Variants in SLCO3A1 observed in about 807,000 individuals in gnomAD.
The protein encoded by SLCO3A1 is PGE1 transporter.
A neutral mutation model predicts 63.1 loss-of-function variants in SLCO3A1; 27 were observed. The observed-to-expected ratio is 0.43, with a 90% CI of 0.32 to 0.59. SLCO3A1 has a LOEUF of 0.59. SLCO3A1 is among the 20% of genes least tolerant of loss of function. SLCO3A1 has a pLI of 0.09. For synonymous variants in SLCO3A1, 473 were observed against 409.9 expected, an observed-to-expected ratio of 1.15 and a Z score of -1.86; for missense variants, 773 against 945.8, an observed-to-expected ratio of 0.82 and a Z score of 2.40.
chr15:91,853,815 C>T lies in SLCO3A1; in HGVS notation c.-94C>T. Reference sequence around the variant, plus strand: ...ACCCGGGGCGGGGACAGCACGCAGCCTCGAGGCGCGCACCCCCGCCCGGCA... The same window carrying T: ...ACCCGGGGCGGGGACAGCACGCAGCTTCGAGGCGCGCACCCCCGCCCGGCA... On this transcript the variant is annotated 5_prime_UTR_variant, in exon 1 of 10. Transcript: ENST00000318445. The T allele has an allele frequency of 8.9e-7, 1 of 1,127,828 alleles. No homozygotes were observed. The highest frequency in any genetic ancestry group is 1.1e-6 in the Non-Finnish European group (1 of 923,220). The allele number at this position is 1,127,828 out of a possible 1,614,324, so 69.9% of individuals were successfully genotyped here. A position where few individuals can be genotyped will look rare whatever the true frequency, so the allele number is the denominator to read the frequency against.
intron 9 of SLCO3A1, among the ~76,000 whole-genome samples, chr15:92,155,796 T>G (rs1205771799): frequency 1.3e-5 from 2 of 152,028 alleles, no homozygotes; most frequent in African/African-American, 4.8e-5. Flanking sequence ...GAGGCTGAGG[T>G]TTGGAGCCCC....
chr15:92,108,026 C>T (rs1012406037), intron 4 of SLCO3A1, among the ~76,000 whole-genome samples: 4 of 152,180 alleles, frequency 2.6e-5, no homozygotes, highest in Non-Finnish European at 4.4e-5. Context: ...GTTCGATTTT[C>T]AGAACATTCC....
chr15:91,919,119 C>T (rs1898757813), intron 2 of SLCO3A1, among the ~76,000 whole-genome samples: 1 of 152,246 alleles, frequency 6.6e-6, no homozygotes, highest in South Asian at 2.1e-4. Flanking sequence ...CCCCGGGTCA[C>T]CCGCATTGTG....
intron 2 of SLCO3A1, among the ~76,000 whole-genome samples, chr15:92,087,316 A>G (rs1333997246): frequency 1.3e-5 from 2 of 152,082 alleles, no homozygotes; most frequent in South Asian, 2.1e-4. Context: ...CTTCATTGCT[A>G]TATTTGTTAT....
chr15:91,902,816 C>G (rs997911046), intron 1 of SLCO3A1, among the ~76,000 whole-genome samples: 1 of 152,128 alleles, frequency 6.6e-6, no homozygotes, highest in African/African-American at 2.4e-5. Flanking sequence ...ATTGCCTGGG[C>G]TTGAATCCTG....
intron 2 of SLCO3A1, among the ~76,000 whole-genome samples, chr15:91,936,142 A>T (rs774543458): frequency 2.0e-5 from 3 of 152,172 alleles, no homozygotes; most frequent in Non-Finnish European, 4.4e-5. Context: ...CTCTTATTAG[A>T]GATGCTGTAA....
chr15:92,165,138 C>G lies in SLCO3A1; in HGVS notation c.*2003C>G, dbSNP rs1015446988. 1.0e-6 allele frequency: 1 copy of G among 985,308 alleles called. No homozygotes were observed. Among genetic ancestry groups the G allele is most frequent in the Non-Finnish European group, 1.2e-6 (1 of 829,938 alleles). 61.0% of individuals were successfully genotyped at this position (985,308 alleles called of 1,614,324 possible). On this transcript the variant is annotated 3_prime_UTR_variant, in exon 10 of 10. Coordinates refer to ENST00000318445, the MANE Select transcript of SLCO3A1 (RefSeq NM_013272.4). ...ACAGCCCAAATCTAGAGAAGGCACT[C>G]AGCAAGACCAACCAAAAGAAAAGCT...
intron 2 of SLCO3A1, among the ~76,000 whole-genome samples, chr15:92,019,115 C>T (rs1044889156): frequency 4.6e-5 from 7 of 152,086 alleles, no homozygotes; most frequent in African/African-American, 9.7e-5. Flanking sequence ...GTGGGCTGGC[C>T]GGTTGCTGCT....
In SLCO3A1 at chr15:91,916,271, C is replaced by G. The variant is rs776489990; in HGVS notation, c.459C>G (p.Asn153Lys). 6.5e-7 allele frequency: 1 copy of G among 1,548,984 alleles called. No homozygotes were observed. Among genetic ancestry groups the G allele is most frequent in the African/African-American group, 1.4e-5 (1 of 73,142 alleles). Residue 153 changes from asparagine to lysine, a missense_variant, in exon 2 of 10, where the codon AAC (asparagine) becomes AAG (lysine). Around this residue, in one of 3 missense-constraint regions of SLCO3A1, gnomAD observed 565 missense variants for 749.8 expected, o/e 0.75. Coordinates refer to ENST00000318445, the MANE Select transcript of SLCO3A1 (RefSeq NM_013272.4). This position sits in a 1 kb window ranked among gnomAD's most constrained non-coding sequence, Gnocchi z 6.2. ...AGGGCCGCGACGTCTGCGCAGCCAA[C>G]GGCTCGGGCGGCGACGAGGGGCCCG... ...GAEGRDVCAA[N>K]GSGGDEGPDP...
chr15:92,047,516 TACATAAATAAATATATAAATATATATA>T lies in SLCO3A1; in HGVS notation c.647-47363_647-47337del, dbSNP rs1567087740. 8.2e-3 allele frequency among the ~76,000 whole-genome samples: 263 copies of T among 32,054 alleles called. 53 individuals carry two copies. The highest frequency in any genetic ancestry group is 0.031 in the African/African-American group (251 of 8,066). The allele number at this position is 32,054 out of a possible 152,430, so 21.0% of individuals were successfully genotyped here. A position where few individuals can be genotyped will look rare whatever the true frequency, so the allele number is the denominator to read the frequency against. Reference sequence around the variant, plus strand: ...ATAAATATATATAAATATATATAAATACATAAATAAATATATAAATATATATAATATATAAATATATAAATATATATA... The same window carrying T: ...ATAAATATATATAAATATATATAAATATATATAAATATATAAATATATATA... On this transcript the variant is annotated intron_variant, in intron 2 of 9. Transcript: ENST00000318445.
At chr15:92,151,356 C>A in intron 9 of SLCO3A1, 1 of 199,816 alleles carries the variant, frequency 5.0e-6, no homozygotes, top group Non-Finnish European at 1.0e-5. Flanking sequence ...TGAAATGCTT[C>A]ATTTATGGGG....
chr15:92,046,046 G>T (rs758668185), intron 2 of SLCO3A1, among the ~76,000 whole-genome samples: 1 of 152,132 alleles, frequency 6.6e-6, no homozygotes. Context: ...TTCCAACTGG[G>T]TTATAAGATC....
Position 91,894,889 on chromosome 15 carries a change from G to A in SLCO3A1, c.181-21104G>A, listed in dbSNP as rs575668712. 1.3e-5 allele frequency among the ~76,000 whole-genome samples: 2 copies of A among 152,256 alleles called. No individual in the cohort carries two copies. Among genetic ancestry groups the A allele is most frequent in the East Asian group, 1.9e-4 (1 of 5,188 alleles). ...AGTGCGTAGAAGCAGGTTGTAGCTC[G>A]CCTGCAAGAACTCTCAAGAATCAAG... On this transcript the variant is annotated intron_variant, in intron 1 of 9. Transcript: ENST00000318445. This position sits in a 1 kb window ranked among gnomAD's most constrained non-coding sequence, Gnocchi z 4.8.
In SLCO3A1 at chr15:92,163,753, C is replaced by A; in HGVS notation, c.*618C>A. ...CCCAGTCTGCATGTGGTTCAAGGCC[C>A]CAGAGTTCTCTCAGTGATGCTAATG... On this transcript the variant is annotated 3_prime_UTR_variant, in exon 10 of 10. Transcript: ENST00000318445. 1 of 985,382 alleles carries A rather than the reference C, an allele frequency of 1.0e-6. No individual in the cohort carries two copies. The highest frequency in any genetic ancestry group is 1.2e-6 in the Non-Finnish European group (1 of 829,976). The allele number at this position is 985,382 out of a possible 1,614,324, so 61.0% of individuals were successfully genotyped here.
At chr15:92,025,145 C>T (rs539581835) in intron 2 of SLCO3A1, among the ~76,000 whole-genome samples, 13 of 147,432 alleles carry the variant, frequency 8.8e-5, no homozygotes, top group South Asian at 6.5e-4. Flanking sequence ...GTTTAGTAGA[C>T]GTTATTTTTC....
Position 92,129,856 on chromosome 15 carries a change from G to C in SLCO3A1, c.1512+1367G>C, listed in dbSNP as rs900395989. On this transcript the variant is annotated intron_variant, in intron 7 of 9. Transcript: ENST00000318445. Reference sequence around the variant, plus strand: ...TGGCCAGTTATTAACATTTTCTTTAGAGAAAATAAATCACCATGGGGGGTG... The same window carrying C: ...TGGCCAGTTATTAACATTTTCTTTACAGAAAATAAATCACCATGGGGGGTG... 2.3e-4 allele frequency among the ~76,000 whole-genome samples: 31 copies of C among 134,914 alleles called. 1 individual carries two copies. Among genetic ancestry groups the C allele is most frequent in the Admixed American group, 1.5e-3 (19 of 12,290 alleles). 88.5% of individuals were successfully genotyped at this position (134,914 alleles called of 152,430 possible).
At chr15:91,879,768 G>C (rs1402946592) in intron 1 of SLCO3A1, among the ~76,000 whole-genome samples, 1 of 152,118 alleles carries the variant, frequency 6.6e-6, no homozygotes, top group East Asian at 1.9e-4. Flanking sequence ...TACTGTCATG[G>C]GACAGGTTTT....
rs570621373 is a variant in SLCO3A1 at position 92,056,987 on chromosome 15, C to T, written c.647-37894C>T. ...CATCATGTCAGTTTCTCCCTCCTGC[C>T]AGAAAATACATTCCCAAACATCTCA... On this transcript the variant is annotated intron_variant, in intron 2 of 9. Transcript: ENST00000318445. 9.2e-5 allele frequency among the ~76,000 whole-genome samples: 14 copies of T among 152,316 alleles called. 1 individual carries two copies. The Middle Eastern group carries it at 0.014, about 148-fold the overall frequency.
intron 7 of SLCO3A1, among the ~76,000 whole-genome samples, chr15:92,142,313 A>G (rs2048144712): frequency 6.6e-6 from 1 of 152,220 alleles, no homozygotes; most frequent in South Asian, 2.1e-4. Context: ...CTTATAAACA[A>G]CACATTTATC....
Sources: allele counts gnomAD v4.1 joint callset (sites outside exome capture counted in the v4.1 genomes callset), GRCh38; gene constraint gnomAD v4.1.1; regional missense constraint gnomAD v4.1.1; non-coding constraint Gnocchi (gnomAD v3.1); transcripts MANE v1.5; gene names NCBI Gene and HGNC (gene_info 2026-07-23, HGNC 2026-07-21).